The following RGS8 variants were observed in gnomAD, a reference collection of about 807,000 sequenced individuals.
RGS8 encodes regulator of G protein signaling 8.
RGS8 carries 8 observed loss-of-function variants against 21.7 expected under a neutral mutation model. The observed-to-expected ratio is 0.37, with a 90% CI of 0.22 to 0.66. The LOEUF is 0.66. Among genes scored for constraint, RGS8 ranks in the 30% least tolerant of loss-of-function variants. RGS8 has a pLI of 0.59. For missense variants in RGS8, 157 were observed against 217.9 expected (o/e 0.72, Z 1.76); for synonymous variants, 80 against 83.6 (o/e 0.96, Z 0.24).
chr1:182,665,335 C>T (rs890235977), intron 5 of RGS8, among the ~76,000 whole-genome samples: 3 of 152,090 alleles, frequency 2.0e-5, no homozygotes, highest in Non-Finnish European at 2.9e-5. Context: ...CCTCTCCACA[C>T]CACAATATGC....
At chr1:182,643,061 C>A (rs1394025839), downstream of RGS8, 1 of 152,272 alleles carries the variant, frequency 6.6e-6, no homozygotes, top group African/African-American at 2.4e-5. Context: ...TTGGAGGAGA[C>A]AGGACTCAGA....
At chr1:182,700,191 C>A in the RGS8 span, among the ~76,000 whole-genome samples, 1 of 152,210 alleles carries the variant, frequency 6.6e-6, no homozygotes, top group African/African-American at 2.4e-5. Context: ...GGCGGTTAGG[C>A]CGGGTCCTGC....
chr1:182,727,587 G>A, the RGS8 span, among the ~76,000 whole-genome samples: 7 of 152,112 alleles, frequency 4.6e-5, no homozygotes, highest in East Asian at 1.9e-4. Flanking sequence ...ACTAAAAGCC[G>A]TTCCGAAAGG....
chr1:182,669,614 G>A lies in RGS8; in HGVS notation c.26+10C>T. On this transcript the variant is annotated intron_variant, in intron 3 of 6. Transcript: ENST00000483095. Reference sequence around the variant, plus strand: ...GTCAGGGGCAAGAAAACAGGCCATTGATTCATTACCTGCGTGGCATCAGTA... The same window carrying A: ...GTCAGGGGCAAGAAAACAGGCCATTAATTCATTACCTGCGTGGCATCAGTA... The A allele has an allele frequency of 6.2e-7, 1 of 1,614,218 alleles. No individual in the cohort carries two copies. The highest frequency in any genetic ancestry group is 8.5e-7 in the Non-Finnish European group (1 of 1,180,032).
chr1:182,713,395 G>C, the RGS8 span, among the ~76,000 whole-genome samples: 1 of 152,030 alleles, frequency 6.6e-6, no homozygotes, highest in Non-Finnish European at 1.5e-5. Flanking sequence ...TGTTAGCCAG[G>C]CTCTTCTAGA....
At chr1:182,720,957 ACATATGTGTG>A in the RGS8 span, among the ~76,000 whole-genome samples, 4 of 64,768 alleles carry the variant, frequency 6.2e-5, no homozygotes, top group East Asian at 4.4e-4. Flanking sequence ...ATATATACAT[ACATATGTGTG>A]TATATATACA....
At chr1:182,705,361 A>G in the RGS8 span, among the ~76,000 whole-genome samples, 1 of 152,192 alleles carries the variant, frequency 6.6e-6, no homozygotes, top group African/African-American at 2.4e-5. Context: ...CAGGTCCTCA[A>G]TGCAGTGGAT....
chr1:182,688,768 C>T (rs1664759254), upstream of RGS8, among the ~76,000 whole-genome samples: 1 of 152,184 alleles, frequency 6.6e-6, no homozygotes. Context: ...CCCAGGAATA[C>T]AGTTGCCACT....
chr1:182,720,553 G>A, the RGS8 span, among the ~76,000 whole-genome samples: 1 of 152,052 alleles, frequency 6.6e-6, no homozygotes, highest in African/African-American at 2.4e-5. Context: ...GTCATTCAAA[G>A]CTCTCAGAGA....
intron 5 of RGS8, among the ~76,000 whole-genome samples, chr1:182,661,372 G>A (rs1040229797): frequency 1.3e-5 from 2 of 152,042 alleles, no homozygotes; most frequent in Non-Finnish European, 2.9e-5. Flanking sequence ...AATGCCTGGG[G>A]TGAGGTGCTC....
chr1:182,654,116 A>T (rs1663151034), intron 5 of RGS8, among the ~76,000 whole-genome samples: 1 of 152,256 alleles, frequency 6.6e-6, no homozygotes, highest in Non-Finnish European at 1.5e-5. Context: ...CCACAGGAAG[A>T]AACTAAAGCT....
rs553646159 is a variant in RGS8 at position 182,670,916 on chromosome 1, G to A, written c.-104+741C>T. Among the ~76,000 whole-genome samples the A allele has an allele frequency of 2.5e-3, 384 of 152,198 alleles. 3 individuals are homozygous for A. The highest frequency in any genetic ancestry group is 7.2e-3 in the African/African-American group (299 of 41,524). ...AAATCAAAGCTTTTGCAGCTGTGCCGGTCCCTAGAAGTCATGTTTGGGGCA... is the reference window on the plus strand; with the variant it reads ...AAATCAAAGCTTTTGCAGCTGTGCCAGTCCCTAGAAGTCATGTTTGGGGCA... On this transcript the variant is annotated intron_variant, in intron 2 of 6. Transcript: ENST00000483095.
chr1:182,698,569 C>G, the RGS8 span, among the ~76,000 whole-genome samples: 2 of 152,168 alleles, frequency 1.3e-5, no homozygotes, highest in South Asian at 4.1e-4. Flanking sequence ...AAATATAATT[C>G]TTTAAAGTCC....
the RGS8 span, among the ~76,000 whole-genome samples, chr1:182,708,957 C>G: frequency 6.6e-6 from 1 of 152,214 alleles, no homozygotes; most frequent in Non-Finnish European, 1.5e-5. Context: ...TGCGGCCTGC[C>G]AAGATGGTGA....
intron 5 of RGS8, among the ~76,000 whole-genome samples, chr1:182,652,968 T>C (rs1338607467): frequency 1.3e-5 from 2 of 152,156 alleles, no homozygotes; most frequent in African/African-American, 2.4e-5. Flanking sequence ...TAATTGGAAG[T>C]AGTTCATTAA....
At chr1:182,729,647 T>C in the RGS8 span, among the ~76,000 whole-genome samples, 1 of 152,224 alleles carries the variant, frequency 6.6e-6, no homozygotes, top group African/African-American at 2.4e-5. Context: ...AAGTAATTTT[T>C]GCACATTAAA....
At chr1:182,731,178 T>C in the RGS8 span, among the ~76,000 whole-genome samples, 2 of 152,226 alleles carry the variant, frequency 1.3e-5, no homozygotes, top group Non-Finnish European at 2.9e-5. Context: ...TTTCCAACGT[T>C]CAGCAAAGCA....
the RGS8 span, among the ~76,000 whole-genome samples, chr1:182,733,364 T>C: frequency 6.6e-6 from 1 of 152,244 alleles, no homozygotes; most frequent in Non-Finnish European, 1.5e-5. Flanking sequence ...ATTATGATGC[T>C]ACATTTTAAG....
intron 5 of RGS8, among the ~76,000 whole-genome samples, chr1:182,657,637 C>G (rs997332595): frequency 6.6e-6 from 1 of 152,204 alleles, no homozygotes; most frequent in Admixed American, 6.5e-5. Flanking sequence ...TGTCATGGCT[C>G]TAACCCACAC....
Sources: gnomAD v4.1 joint callset for allele counts (sites outside exome capture counted in the v4.1 genomes callset) on GRCh38, gnomAD v4.1.1 for gene constraint, MANE v1.5 for transcripts, NCBI Gene and HGNC (gene_info 2026-07-23, HGNC 2026-07-21) for gene names.